ANKRD22: variants seen among roughly 807,000 people sequenced by gnomAD.
The protein encoded by ANKRD22 is ankyrin repeat domain 22.
ANKRD22 carries 24 observed loss-of-function variants against 25.7 expected under a neutral mutation model. That is an observed-to-expected ratio of 0.93 (90% CI 0.68 to 1.31). The LOEUF is 1.31. Among genes scored for constraint, ANKRD22 ranks in the 50% most tolerant of loss-of-function variants. ANKRD22 has a pLI of 0.00. For synonymous variants in ANKRD22, 84 were observed against 84.3 expected (o/e 1.00, Z 0.02); for missense variants, 214 against 227.1 (o/e 0.94, Z 0.37).
At chr10:88,829,720 A>C (rs528654858) in intron 2 of ANKRD22, among the ~76,000 whole-genome samples, 3 of 152,294 alleles carry the variant, frequency 2.0e-5, no homozygotes, top group Admixed American at 2.0e-4. Context: ...AACTACTCTG[A>C]TGTATTTAGC....
chr10:88,849,071 T>C lies in ANKRD22; in HGVS notation c.21+2516A>G, dbSNP rs1374849460. On this transcript the variant is annotated intron_variant, in intron 1 of 5. Coordinates refer to ENST00000371930, the MANE Select transcript of ANKRD22 (RefSeq NM_144590.3). ...TTACTTACAGCCTTATAATGAGAAC[T>C]TCCCAATGTTTAAAGGAATACATCA... 3.3e-5 allele frequency among the ~76,000 whole-genome samples: 5 copies of C among 152,020 alleles called. No individual in the cohort carries two copies. The East Asian group carries it at 5.8e-4, about 18-fold the overall frequency.
rs1166842429 is a variant in ANKRD22 at position 88,820,514 on chromosome 10, T to C, written c.*2427A>G. 1.9e-6 allele frequency: 3 copies of C among 1,546,164 alleles called. No individual in the cohort carries two copies. Among genetic ancestry groups the C allele is most frequent in the African/African-American group, 2.7e-5 (2 of 73,128 alleles). On this transcript the variant is annotated 3_prime_UTR_variant, in exon 6 of 6. Coordinates refer to ENST00000371930, the MANE Select transcript of ANKRD22 (RefSeq NM_144590.3). ...GGCCGTATTGTGAAGCATCTGACACTGACGATCTTAGGACAACCTCCTGAG... is the reference window on the plus strand; with the variant it reads ...GGCCGTATTGTGAAGCATCTGACACCGACGATCTTAGGACAACCTCCTGAG...
intron 1 of ANKRD22, among the ~76,000 whole-genome samples, chr10:88,848,761 C>T (rs1294403909): frequency 6.6e-6 from 1 of 152,172 alleles, no homozygotes; most frequent in African/African-American, 2.4e-5. Flanking sequence ...GCTTGACTTT[C>T]AGTCCAATGG....
chr10:88,834,780 CA>C (rs1843937575), intron 1 of ANKRD22, among the ~76,000 whole-genome samples: 1 of 151,736 alleles, frequency 6.6e-6, no homozygotes, highest in African/African-American at 2.4e-5. Context: ...ATTAAAAATA[CA>C]AAAATAAAAA....
At position 88,851,725 on chromosome 10, in the gene ANKRD22, T is replaced by C; in HGVS notation, c.-118A>G. The C allele has an allele frequency of 8.2e-7, 1 of 1,224,566 alleles. No homozygotes were observed. The highest frequency in any genetic ancestry group is 1.2e-6 in the Non-Finnish European group (1 of 835,220). 75.9% of individuals were successfully genotyped at this position (1,224,566 alleles called of 1,614,324 possible). A position where few individuals can be genotyped will look rare whatever the true frequency, so the allele number is the denominator to read the frequency against. On this transcript the variant is annotated 5_prime_UTR_variant, in exon 1 of 6. Coordinates refer to ENST00000371930, the MANE Select transcript of ANKRD22 (RefSeq NM_144590.3). ...GAAAGTCCCTAGAAGTCCAAGCTGG[T>C]GGCAAGCTCCAGGAGTGCTTTTCTA...
chr10:88,829,384 C>G (rs918736753), intron 2 of ANKRD22, among the ~76,000 whole-genome samples: 3 of 152,122 alleles, frequency 2.0e-5, no homozygotes, highest in African/African-American at 7.2e-5. Context: ...AATAAGAACA[C>G]TTTTTGTTTT....
At chr10:88,837,910 C>A (rs1479588409) in intron 1 of ANKRD22, among the ~76,000 whole-genome samples, 1 of 152,214 alleles carries the variant, frequency 6.6e-6, no homozygotes, top group Non-Finnish European at 1.5e-5. Flanking sequence ...ATTGTGAGGC[C>A]TTCTCAGCCA....
intron 3 of ANKRD22, among the ~76,000 whole-genome samples, chr10:88,828,328 A>G (rs1362221637): frequency 6.6e-6 from 1 of 152,248 alleles, no homozygotes; most frequent in Non-Finnish European, 1.5e-5. Flanking sequence ...ATTTTTCTAA[A>G]TCAACATTGC....
Position 88,820,528 on chromosome 10 carries a change from C to A in ANKRD22, c.*2413G>T. On this transcript the variant is annotated 3_prime_UTR_variant, in exon 6 of 6. Coordinates refer to ENST00000371930, the MANE Select transcript of ANKRD22 (RefSeq NM_144590.3). ...GCATCTGACACTGACGATCTTAGGA[C>A]AACCTCCTGAGGGATGGGGCTAGGA... The A allele has an allele frequency of 6.5e-7, 1 of 1,540,006 alleles. No individual in the cohort carries two copies. Among genetic ancestry groups the A allele is most frequent in the African/African-American group, 1.4e-5 (1 of 73,082 alleles).
intron 1 of ANKRD22, among the ~76,000 whole-genome samples, 173 bp downstream of exon 1, chr10:88,851,414 T>C (rs1411506735): frequency 6.6e-6 from 1 of 152,174 alleles, no homozygotes; most frequent in African/African-American, 2.4e-5. Context: ...TCTTAAACTA[T>C]TAAGAATATC....
chr10:88,822,876 T>C lies in ANKRD22; in HGVS notation c.*65A>G. ...GGTTAAATGGCCCACAGACCAAAAG[T>C]CTAAAATGAAGATAGAATCCAGTCG... On this transcript the variant is annotated 3_prime_UTR_variant, in exon 6 of 6. Coordinates refer to ENST00000371930, the MANE Select transcript of ANKRD22 (RefSeq NM_144590.3). The C allele has an allele frequency of 6.8e-7, 1 of 1,460,584 alleles. No homozygotes were observed. The highest frequency in any genetic ancestry group is 1.7e-5 in the Admixed American group (1 of 57,820). 90.5% of individuals were successfully genotyped at this position (1,460,584 alleles called of 1,614,324 possible). A position where few individuals can be genotyped will look rare whatever the true frequency, so the allele number is the denominator to read the frequency against.
intron 1 of ANKRD22, 99 bp from the exon 2 acceptor site, chr10:88,832,125 T>C: frequency 7.7e-7 from 1 of 1,298,884 alleles, no homozygotes; most frequent in Non-Finnish European, 1.1e-6. Context: ...AATTTAAATG[T>C]TTTAAAATTG....
intron 1 of ANKRD22, among the ~76,000 whole-genome samples, chr10:88,833,053 A>G (rs1416277001): frequency 1.3e-5 from 2 of 152,194 alleles, no homozygotes; most frequent in Non-Finnish European, 2.9e-5. Context: ...AGCAACTGAC[A>G]TACTGTAATT....
rs1175952328 is a variant in ANKRD22, at chr10:88,821,202, A to T, written c.*1739T>A. Among the ~76,000 whole-genome samples, 4 of 152,234 alleles carry T rather than the reference A, an allele frequency of 2.6e-5. No homozygotes were observed. The highest frequency in any genetic ancestry group is 2.6e-4 in the Admixed American group (4 of 15,288). On this transcript the variant is annotated 3_prime_UTR_variant, in exon 6 of 6. Transcript: ENST00000371930. ...CAGCTTGTTGCTAGGAGACCTAATG[A>T]CTAAAAATTTCTGGCTCAATTTTCT... is the stretch of plus-strand genomic sequence containing the variant.
At chr10:88,831,184 T>G (rs544852081) in intron 2 of ANKRD22, among the ~76,000 whole-genome samples, 1 of 152,228 alleles carries the variant, frequency 6.6e-6, no homozygotes, top group African/African-American at 2.4e-5. Flanking sequence ...TTCACTACGA[T>G]GCAAATGCTA....
Position 88,823,398 on chromosome 10 carries a change from A to G in ANKRD22, c.400-20T>C. ...GCCATACTGAAACACAAAGGGCCAA[A>G]ACTTCAGCTCATAAGTCGGGCCCTC... On this transcript the variant is annotated intron_variant, in intron 4 of 5. Coordinates refer to ENST00000371930, the MANE Select transcript of ANKRD22 (RefSeq NM_144590.3). 1 of 1,590,080 alleles carries G rather than the reference A, an allele frequency of 6.3e-7. No individual in the cohort carries two copies. The highest frequency in any genetic ancestry group is 8.6e-7 in the Non-Finnish European group (1 of 1,158,368).
rs747156601 is a variant in ANKRD22 at position 88,832,047 on chromosome 10, G to A, written c.22-21C>T. 13 of 1,574,652 alleles carry A rather than the reference G, an allele frequency of 8.3e-6. No individual in the cohort carries two copies. In the Admixed American group the frequency reaches 2.3e-4, roughly 28 times the overall value. ...ATGGGCTGGGTCGGGAAAAACAAAA[G>A]CAGGTTTTGAAATACTGGCATAATT... On this transcript the variant is annotated intron_variant, in intron 1 of 5. Coordinates refer to ENST00000371930, the MANE Select transcript of ANKRD22 (RefSeq NM_144590.3).
intron 2 of ANKRD22, 56 bp downstream of exon 2, chr10:88,831,779 A>G (rs1226072156): frequency 6.8e-5 from 101 of 1,482,836 alleles, no homozygotes; most frequent in Non-Finnish European, 8.6e-5. Context: ...CTAGTGATTC[A>G]AAGAGAAAAG....
intron 1 of ANKRD22, among the ~76,000 whole-genome samples, chr10:88,839,565 A>G (rs1181313945): frequency 6.6e-6 from 1 of 152,160 alleles, no homozygotes; most frequent in African/African-American, 2.4e-5. Context: ...TCCTACCTGC[A>G]GCAGGAAATA....
Sources: allele counts gnomAD v4.1 joint callset (sites outside exome capture counted in the v4.1 genomes callset), GRCh38; gene constraint gnomAD v4.1.1; transcripts MANE v1.5; gene names NCBI Gene and HGNC (gene_info 2026-07-23, HGNC 2026-07-21).